The following IL1RAPL1 variants were observed in gnomAD, a reference collection of about 807,000 sequenced individuals.
The protein encoded by IL1RAPL1 is interleukin-1 receptor accessory protein-like 1.
Under a neutral mutation model 48.4 loss-of-function variants are expected in IL1RAPL1, and 3 were observed. That is an observed-to-expected ratio of 0.06 (90% CI 0.03 to 0.16). IL1RAPL1 has a LOEUF of 0.16. IL1RAPL1 is among the 10% of genes least tolerant of loss of function. IL1RAPL1 has a pLI of 1.00. For missense variants in IL1RAPL1, 349 were observed against 530.6 expected, an observed-to-expected ratio of 0.66 and a Z score of 3.36; for synonymous variants, 185 against 187.7, an observed-to-expected ratio of 0.99 and a Z score of 0.12.
intron 6 of IL1RAPL1, among the ~76,000 whole-genome samples, chrX:29,882,604 C>A (rs1932054050): frequency 9.0e-6 from 1 of 111,244 alleles, no homozygotes; most frequent in African/African-American, 3.3e-5. Context: ...TAAAGGTGGA[C>A]CTATACAATA....
At chrX:29,323,849 G>A (rs187040047) in intron 3 of IL1RAPL1, among the ~76,000 whole-genome samples, 22 of 87,827 alleles carry the variant, frequency 2.5e-4, no homozygotes, top group Admixed American at 1.4e-4. Flanking sequence ...GGTCACTCTT[G>A]TTCCCCTACT....
At chrX:29,651,656 A>T (rs1025443292) in intron 5 of IL1RAPL1, among the ~76,000 whole-genome samples, 3 of 111,065 alleles carry the variant, frequency 2.7e-5, no homozygotes, top group African/African-American at 9.8e-5. Context: ...TAGGCAAAGG[A>T]TATATAATTA....
chrX:29,752,495 C>CAAAAA (rs10682605), intron 6 of IL1RAPL1, among the ~76,000 whole-genome samples: 5 of 52,747 alleles, frequency 9.5e-5, no homozygotes, highest in African/African-American at 2.9e-4. Flanking sequence ...GACTTTGTCT[C>CAAAAA]AAAAAAAAAA....
intron 5 of IL1RAPL1, among the ~76,000 whole-genome samples, chrX:29,413,089 T>C (rs1448686786): frequency 9.0e-6 from 1 of 111,291 alleles, no homozygotes; most frequent in East Asian, 2.8e-4. Flanking sequence ...TGCCATGCTG[T>C]TCTGGTGATA....
chrX:29,505,737 T>C (rs1292321414), intron 5 of IL1RAPL1, among the ~76,000 whole-genome samples: 1 of 111,946 alleles, frequency 8.9e-6, no homozygotes, highest in East Asian at 2.8e-4. Flanking sequence ...GGGTCGAATG[T>C]ATTTTGTGTT....
chrX:29,592,950 G>A (rs1923426589), intron 5 of IL1RAPL1, among the ~76,000 whole-genome samples: 1 of 112,242 alleles, frequency 8.9e-6, no homozygotes, highest in South Asian at 3.7e-4. Context: ...ATCCCATGCT[G>A]ATGCCACCTT....
At chrX:28,764,451 C>T (rs1314144539) in intron 1 of IL1RAPL1, among the ~76,000 whole-genome samples, 2 of 111,537 alleles carry the variant, frequency 1.8e-5, no homozygotes, top group Non-Finnish European at 3.8e-5. Flanking sequence ...GCCTGTAATC[C>T]TGGCACTTTG....
chrX:29,828,640 T>C (rs2147186784), intron 6 of IL1RAPL1, among the ~76,000 whole-genome samples: 1 of 112,030 alleles, frequency 8.9e-6, no homozygotes, highest in South Asian at 3.7e-4. Context: ...ATGTTAGTTT[T>C]GAGATGCCTA....
chrX:29,790,986 A>G (rs2147162373), intron 6 of IL1RAPL1, among the ~76,000 whole-genome samples: 2 of 109,518 alleles, frequency 1.8e-5, no homozygotes, highest in East Asian at 5.7e-4. Flanking sequence ...TACCAAGCTC[A>G]TTTTCATCTT....
At chrX:29,939,402 G>A (rs1933086680) in intron 8 of IL1RAPL1, among the ~76,000 whole-genome samples, 4 of 111,759 alleles carry the variant, frequency 3.6e-5, no homozygotes, top group African/African-American at 1.3e-4. Context: ...TCACCCTGTG[G>A]GCATAAGTTA....
intron 3 of IL1RAPL1, among the ~76,000 whole-genome samples, chrX:29,389,600 T>C (rs1401975626): frequency 1.8e-5 from 2 of 111,170 alleles, no homozygotes; most frequent in Non-Finnish European, 3.8e-5. Flanking sequence ...GGACTAGAAT[T>C]GTATATGCCT....
At chrX:29,802,783 G>GTA (rs1434808640) in intron 6 of IL1RAPL1, among the ~76,000 whole-genome samples, 1 of 19,293 alleles carries the variant, frequency 5.2e-5, no homozygotes, top group Non-Finnish European at 8.8e-5. Flanking sequence ...ATATATATAT[G>GTA]TGTGTGTGTA....
intron 5 of IL1RAPL1, among the ~76,000 whole-genome samples, chrX:29,651,522 T>C (rs1925517024): frequency 9.0e-6 from 1 of 111,436 alleles, no homozygotes; most frequent in South Asian, 3.7e-4. Flanking sequence ...CCAGGCACAA[T>C]ATGACAAGTA....
chrX:29,500,335 A>T (rs1370442245), intron 5 of IL1RAPL1, among the ~76,000 whole-genome samples: 1 of 112,087 alleles, frequency 8.9e-6, no homozygotes, highest in Non-Finnish European at 1.9e-5. Context: ...TGTTAACTAT[A>T]GTCACCCTAC....
chrX:28,803,138 A>T (rs1482106820), intron 2 of IL1RAPL1, among the ~76,000 whole-genome samples: 1 of 111,757 alleles, frequency 8.9e-6, no homozygotes, highest in Non-Finnish European at 1.9e-5. Context: ...AATTATTTTG[A>T]CAAGTGCATT....
chrX:29,902,731 C>A (rs1932519293), intron 6 of IL1RAPL1, among the ~76,000 whole-genome samples: 1 of 111,288 alleles, frequency 9.0e-6, no homozygotes, highest in Non-Finnish European at 1.9e-5. Flanking sequence ...TTAATTAACT[C>A]CAAGTTATTT....
At chrX:29,439,942 C>T (rs1163969522) in intron 5 of IL1RAPL1, among the ~76,000 whole-genome samples, 1 of 95,832 alleles carries the variant, frequency 1.0e-5, no homozygotes, top group Non-Finnish European at 2.0e-5. Flanking sequence ...TGCACAGCTA[C>T]GTTAAATATA....
At chrX:29,046,804 G>C (rs1331696549) in intron 2 of IL1RAPL1, among the ~76,000 whole-genome samples, 2 of 112,133 alleles carry the variant, frequency 1.8e-5, no homozygotes, top group Non-Finnish European at 3.8e-5. Context: ...AAAACTTGCT[G>C]CTGGCAAAAG....
intron 2 of IL1RAPL1, among the ~76,000 whole-genome samples, chrX:28,852,698 T>A (rs1921693827): frequency 9.0e-6 from 1 of 111,307 alleles, no homozygotes; most frequent in Non-Finnish European, 1.9e-5. Context: ...AATAAGATAT[T>A]GAAAGAATGA....
Sources: allele counts gnomAD v4.1 joint callset (sites outside exome capture counted in the v4.1 genomes callset), GRCh38; gene constraint gnomAD v4.1.1; transcripts MANE v1.5; gene names NCBI Gene and HGNC (gene_info 2026-07-23, HGNC 2026-07-21).